Variants in FHIT observed in about 807,000 individuals in gnomAD.
The protein encoded by FHIT is bis(5'-adenosyl)-triphosphatase.
A neutral mutation model predicts 17.9 loss-of-function variants in FHIT; 19 were observed. That is an observed-to-expected ratio of 1.06 (90% CI 0.74 to 1.56). The LOEUF (loss-of-function observed/expected upper bound fraction) is 1.56, where lower values mean the gene tolerates loss of function less well. FHIT is among the 40% of genes most tolerant of loss of function. The probability of loss-of-function intolerance (pLI) is 0.00; values close to 1 mark genes in which losing one functional copy is unlikely to be tolerated. For synonymous variants in FHIT, 81 were observed against 69.7 expected, an observed-to-expected ratio of 1.16 and a Z score of -0.81; for missense variants, 248 against 189.2, an observed-to-expected ratio of 1.31 and a Z score of -1.82.
At chr3:60,749,825 A>T (rs2042431521) in intron 4 of FHIT, among the ~76,000 whole-genome samples, 1 of 152,236 alleles carries the variant, frequency 6.6e-6, no homozygotes, top group Admixed American at 6.5e-5. Context: ...TAAGGAATAG[A>T]GAAAGAAGAC....
intron 4 of FHIT, among the ~76,000 whole-genome samples, chr3:60,642,554 T>C (rs2039753532): frequency 6.6e-6 from 1 of 152,200 alleles, no homozygotes; most frequent in Non-Finnish European, 1.5e-5. Flanking sequence ...AACAAAAATC[T>C]TTTCTTCTAT....
chr3:60,746,119 G>A (rs536840598), intron 4 of FHIT, among the ~76,000 whole-genome samples: 1 of 152,220 alleles, frequency 6.6e-6, no homozygotes, highest in Non-Finnish European at 1.5e-5. Context: ...AAAACTCTGG[G>A]TCAATCAACT....
intron 5 of FHIT, among the ~76,000 whole-genome samples, chr3:60,522,645 CCATGTGCATTGG>C (rs2035416051): frequency 1.3e-5 from 2 of 152,242 alleles, no homozygotes; most frequent in Admixed American, 1.3e-4. Flanking sequence ...GAAACAGCCT[CCATGTGCATTGG>C]AAGGATGTTT....
At chr3:61,204,517 G>T (rs1453929575) in intron 1 of FHIT, among the ~76,000 whole-genome samples, 1 of 152,122 alleles carries the variant, frequency 6.6e-6, no homozygotes, top group African/African-American at 2.4e-5. Flanking sequence ...CATTGAAATG[G>T]AAGGGAGAAA....
intron 5 of FHIT, among the ~76,000 whole-genome samples, chr3:60,144,891 G>A (rs1276358758): frequency 1.3e-5 from 2 of 152,126 alleles, no homozygotes; most frequent in African/African-American, 4.8e-5. Context: ...TGAAGCTTCT[G>A]TAACTTCAAC....
At chr3:59,840,742 T>C (rs767439999) in intron 8 of FHIT, among the ~76,000 whole-genome samples, 2 of 152,184 alleles carry the variant, frequency 1.3e-5, no homozygotes, top group Admixed American at 6.5e-5. Flanking sequence ...CCTCAGGGAA[T>C]AGTTAAAACT....
At chr3:60,823,587 A>G (rs1553740005) in intron 3 of FHIT, among the ~76,000 whole-genome samples, 1 of 152,166 alleles carries the variant, frequency 6.6e-6, no homozygotes, top group Non-Finnish European at 1.5e-5. Context: ...ACTAGAAGTT[A>G]GGAAAAGGCA....
intron 5 of FHIT, among the ~76,000 whole-genome samples, chr3:60,353,416 G>A (rs1381605730): frequency 1.3e-5 from 2 of 152,128 alleles, no homozygotes; most frequent in Non-Finnish European, 2.9e-5. Flanking sequence ...AGGCTTAAGA[G>A]TGAAAACTGC....
At chr3:61,209,004 C>A (rs1312046987) in intron 1 of FHIT, among the ~76,000 whole-genome samples, 1 of 151,930 alleles carries the variant, frequency 6.6e-6, no homozygotes, top group Non-Finnish European at 1.5e-5. Flanking sequence ...TCTTTTAGGG[C>A]TGGCCTGGTG....
chr3:60,300,906 G>A (rs1708435335), intron 5 of FHIT, among the ~76,000 whole-genome samples: 2 of 151,820 alleles, frequency 1.3e-5, no homozygotes, highest in South Asian at 4.2e-4. Context: ...CCTAGATCCA[G>A]CCCCCATTCT....
At chr3:60,048,398 G>C (rs1050220279) in intron 5 of FHIT, among the ~76,000 whole-genome samples, 9 of 152,090 alleles carry the variant, frequency 5.9e-5, no homozygotes, top group Admixed American at 3.3e-4. Context: ...GGATGGGCTC[G>C]ATCTCCTGAC....
intron 5 of FHIT, among the ~76,000 whole-genome samples, chr3:60,147,718 T>G (rs1165641487): frequency 6.6e-6 from 1 of 152,146 alleles, no homozygotes; most frequent in East Asian, 1.9e-4. Flanking sequence ...AGGAGTTGAG[T>G]TAGGCTATCT....
intron 4 of FHIT, chr3:60,690,360 C>T: frequency 1.7e-6 from 1 of 573,944 alleles, no homozygotes. Flanking sequence ...CATCCAACCA[C>T]TTGGTCTTGG....
chr3:60,926,206 C>G (rs577913500), intron 3 of FHIT, among the ~76,000 whole-genome samples: 3 of 152,160 alleles, frequency 2.0e-5, no homozygotes, highest in Non-Finnish European at 1.5e-5. Context: ...CCAAGTGGAC[C>G]TAACAGACAT....
At position 60,067,617 on chromosome 3, in the gene FHIT, G is replaced by A. The variant is rs184937613; in HGVS notation, c.104-53465C>T. Among the ~76,000 whole-genome samples, 225 of 152,280 alleles carry A rather than the reference G, an allele frequency of 1.5e-3. 1 individual carries two copies. Among genetic ancestry groups the A allele is most frequent in the African/African-American group, 4.5e-3 (187 of 41,550 alleles). ...ACTTATCAATTGCCATTGTTGTTTGGTGGATATTGATCTGGGAAGACCTTG... is the reference window on the plus strand; with the variant it reads ...ACTTATCAATTGCCATTGTTGTTTGATGGATATTGATCTGGGAAGACCTTG... On this transcript the variant is annotated intron_variant, in intron 5 of 9. Transcript: ENST00000492590.
At chr3:60,283,457 T>C (rs529087794) in intron 5 of FHIT, among the ~76,000 whole-genome samples, 5 of 152,284 alleles carry the variant, frequency 3.3e-5, no homozygotes, top group Non-Finnish European at 7.4e-5. Flanking sequence ...TGTAATTCAA[T>C]GCTTTTCAGT....
At chr3:60,620,137 A>C (rs1553677835) in intron 4 of FHIT, among the ~76,000 whole-genome samples, 1 of 152,210 alleles carries the variant, frequency 6.6e-6, no homozygotes, top group East Asian at 1.9e-4. Flanking sequence ...GAAAATTCAA[A>C]ACAATGACAA....
intron 5 of FHIT, among the ~76,000 whole-genome samples, chr3:60,159,295 A>G (rs1488207892): frequency 6.6e-6 from 1 of 151,996 alleles, no homozygotes; most frequent in Non-Finnish European, 1.5e-5. Flanking sequence ...TAATTTTTGT[A>G]TTTTTAGCAG....
intron 2 of FHIT, among the ~76,000 whole-genome samples, chr3:61,102,970 G>T (rs193154985): frequency 5.3e-5 from 8 of 152,090 alleles, no homozygotes; most frequent in African/African-American, 1.9e-4. Flanking sequence ...CTTGCTAGTG[G>T]TCTATCAATT....
Sources: gnomAD v4.1 joint callset for allele counts (sites outside exome capture counted in the v4.1 genomes callset) on GRCh38, gnomAD v4.1.1 for gene constraint, MANE v1.5 for transcripts, NCBI Gene and HGNC (gene_info 2026-07-23, HGNC 2026-07-21) for gene names.